Variants in GRIA2 observed in about 807,000 individuals in gnomAD.
GRIA2 encodes glutamate receptor 2.
A neutral mutation model predicts 97.3 loss-of-function variants in GRIA2; 14 were observed. The observed-to-expected ratio is 0.14, with a 90% confidence interval of 0.10 to 0.23. GRIA2 has a LOEUF of 0.23. Among genes scored for constraint, GRIA2 ranks in the 10% least tolerant of loss-of-function variants. GRIA2 has a pLI of 1.00. For missense variants in GRIA2, 558 were observed against 1,069.8 expected (o/e 0.52, Z 6.67); for synonymous variants, 412 against 387.8 (o/e 1.06, Z -0.73).
At chr4:157,332,735 G>A (rs1297445207) in intron 6 of GRIA2, 84 bp from the exon 7 acceptor site, 3 of 925,662 alleles carry the variant, frequency 3.2e-6, no homozygotes, top group East Asian at 4.9e-5. Context: ...ATTGTGTGCT[G>A]AGCAACTGCA....
chr4:157,313,551 GGTA>G (rs1031877113), intron 4 of GRIA2, among the ~76,000 whole-genome samples: 6 of 151,964 alleles, frequency 3.9e-5, no homozygotes, highest in Non-Finnish European at 8.8e-5. Context: ...GGTCTTTCAG[GGTA>G]GGGGAGCCAT....
chr4:157,294,057 C>A (rs144510945), intron 2 of GRIA2, among the ~76,000 whole-genome samples: 13 of 152,200 alleles, frequency 8.5e-5, no homozygotes, highest in South Asian at 2.1e-4. Flanking sequence ...TGCGCAGGAA[C>A]CCGCTTGCTT....
chr4:157,298,225 C>G (rs1733440158), intron 2 of GRIA2, among the ~76,000 whole-genome samples: 1 of 152,068 alleles, frequency 6.6e-6, no homozygotes. Context: ...TTAAGAAGTA[C>G]TGTTATGGAA....
At chr4:157,229,090 A>G (rs376562260) in intron 2 of GRIA2, among the ~76,000 whole-genome samples, 15 of 152,278 alleles carry the variant, frequency 9.9e-5, no homozygotes, top group African/African-American at 3.4e-4. Context: ...ACAGAATCAC[A>G]AAAGTATTAT....
chr4:157,284,279 TA>T (rs980126687), intron 2 of GRIA2, among the ~76,000 whole-genome samples: 12 of 150,580 alleles, frequency 8.0e-5, no homozygotes, highest in Middle Eastern at 3.4e-3. Flanking sequence ...ATTGAGAACT[TA>T]AAAAAAAAGC....
intron 2 of GRIA2, among the ~76,000 whole-genome samples, chr4:157,270,858 G>T (rs1467581433): frequency 6.6e-6 from 1 of 151,774 alleles, no homozygotes; most frequent in Non-Finnish European, 1.5e-5. Context: ...AATGTGTGGG[G>T]AATAGAAAGA....
At chr4:157,333,870 A>G (rs1735167324) in intron 8 of GRIA2, 140 bp from the exon 9 acceptor site, 1 of 556,478 alleles carries the variant, frequency 1.8e-6, no homozygotes. Flanking sequence ...ATTCACATAT[A>G]TAAAAGACAT....
intron 2 of GRIA2, among the ~76,000 whole-genome samples, chr4:157,278,591 C>T (rs1218165406): frequency 6.6e-6 from 1 of 151,920 alleles, no homozygotes; most frequent in African/African-American, 2.4e-5. Flanking sequence ...ACACCAAAGG[C>T]ACAGTCTATG....
chr4:157,237,585 T>C lies in GRIA2; in HGVS notation c.229+15778T>C, dbSNP rs183620795. Among the ~76,000 whole-genome samples the C allele has an allele frequency of 3.3e-5, 5 of 152,096 alleles. No individual in the cohort carries two copies. The South Asian group carries it at 1.0e-3, about 31-fold the overall frequency. On this transcript the variant is annotated intron_variant, in intron 2 of 15. Transcript: ENST00000264426. Reference sequence around the variant, plus strand: ...GTGAGCCACTGCACTTGGCCCAGATTTTTTTCTTAAGTAAATAATTCCTCA... The same window carrying C: ...GTGAGCCACTGCACTTGGCCCAGATCTTTTTCTTAAGTAAATAATTCCTCA...
chr4:157,264,845 G>T (rs1202869554), intron 2 of GRIA2, among the ~76,000 whole-genome samples: 1 of 151,898 alleles, frequency 6.6e-6, no homozygotes, highest in Non-Finnish European at 1.5e-5. Flanking sequence ...AACATTCTCT[G>T]GGAGCCTTTA....
chr4:157,338,653 G>A (rs558236409), intron 11 of GRIA2, among the ~76,000 whole-genome samples: 4 of 152,016 alleles, frequency 2.6e-5, no homozygotes, highest in African/African-American at 9.6e-5. Flanking sequence ...TTATTTCCTG[G>A]TAGGATAAAC....
chr4:157,272,181 G>A (rs1732058006), intron 2 of GRIA2, among the ~76,000 whole-genome samples: 1 of 152,026 alleles, frequency 6.6e-6, no homozygotes, highest in Non-Finnish European at 1.5e-5. Flanking sequence ...TAAGGAATCA[G>A]CATGGTAAAG....
intron 12 of GRIA2, among the ~76,000 whole-genome samples, chr4:157,358,210 T>G (rs901400432): frequency 1.3e-5 from 2 of 152,164 alleles, no homozygotes; most frequent in African/African-American, 4.8e-5. Context: ...GAAGGCAGAC[T>G]ATAGGAGAAA....
chr4:157,269,797 T>A (rs1265051225), intron 2 of GRIA2, among the ~76,000 whole-genome samples: 3 of 152,132 alleles, frequency 2.0e-5, no homozygotes, highest in African/African-American at 7.2e-5. Context: ...TGTTAAATTT[T>A]ACTTATTTTA....
chr4:157,333,105 T>G, intron 7 of GRIA2, 119 bp downstream of exon 7: 2 of 973,212 alleles, frequency 2.1e-6, no homozygotes, highest in Non-Finnish European at 3.0e-6. Context: ...TGTTCTTTTC[T>G]AACAACACAA....
chr4:157,354,099 C>T (rs1483195736), intron 12 of GRIA2, among the ~76,000 whole-genome samples: 10 of 152,124 alleles, frequency 6.6e-5, no homozygotes, highest in African/African-American at 1.7e-4. Context: ...TTCTTTTAAT[C>T]CAAAAACTGA....
At chr4:157,266,070 TAG>T (rs1731755097) in intron 2 of GRIA2, among the ~76,000 whole-genome samples, 1 of 152,086 alleles carries the variant, frequency 6.6e-6, no homozygotes, top group Admixed American at 6.6e-5. Context: ...CTTGATAAGT[TAG>T]AGAGTTATTT....
chr4:157,290,852 A>G (rs1475403045), intron 2 of GRIA2, among the ~76,000 whole-genome samples: 1 of 151,760 alleles, frequency 6.6e-6, no homozygotes, highest in Non-Finnish European at 1.5e-5. Context: ...CAACCTGGGT[A>G]GTTCACAATT....
chr4:157,357,902 T>C (rs982474307), intron 12 of GRIA2, among the ~76,000 whole-genome samples: 1 of 152,182 alleles, frequency 6.6e-6, no homozygotes, highest in South Asian at 2.1e-4. Context: ...GAAAATGTTA[T>C]TGCTAATTTT....
Sources: allele counts gnomAD v4.1 joint callset (sites outside exome capture counted in the v4.1 genomes callset), GRCh38; gene constraint gnomAD v4.1.1; transcripts MANE v1.5; gene names NCBI Gene and HGNC (gene_info 2026-07-23, HGNC 2026-07-21).